ARHGAP24: variants seen among roughly 807,000 people sequenced by gnomAD.
ARHGAP24 encodes Rho GTPase activating protein 24.
A neutral mutation model predicts 76.4 loss-of-function variants in ARHGAP24; 50 were observed. The ratio of observed to expected loss-of-function variants is 0.65; its 90% CI spans 0.52 to 0.83. The LOEUF (loss-of-function observed/expected upper bound fraction) is 0.83. Among genes scored for constraint, ARHGAP24 ranks in the 40% least tolerant of loss-of-function variants. ARHGAP24 has a pLI of 0.00. For missense variants in ARHGAP24, 930 were observed against 914.2 expected (o/e 1.02, Z -0.22); for synonymous variants, 345 against 323.3 (o/e 1.07, Z -0.72).
intron 3 of ARHGAP24, among the ~76,000 whole-genome samples, chr4:85,760,216 G>A (rs895594414): frequency 9.9e-5 from 15 of 151,924 alleles, no homozygotes; most frequent in African/African-American, 3.6e-4. Flanking sequence ...CTGAAACGAA[G>A]TCTAGTTTAA....
At chr4:85,510,606 C>T (rs1305304423) in intron 1 of ARHGAP24, among the ~76,000 whole-genome samples, 1 of 148,218 alleles carries the variant, frequency 6.7e-6, no homozygotes, top group Non-Finnish European at 1.5e-5. Context: ...CTTGTCTTCC[C>T]CGTCTTCCCC....
At chr4:85,993,558 C>G (rs994492144) in intron 8 of ARHGAP24, among the ~76,000 whole-genome samples, 1 of 152,116 alleles carries the variant, frequency 6.6e-6, no homozygotes, top group African/African-American at 2.4e-5. Context: ...GTGGCCTTGC[C>G]TCAGGTCAGG....
At chr4:85,832,449 C>T (rs1011471583) in intron 3 of ARHGAP24, among the ~76,000 whole-genome samples, 3 of 152,040 alleles carry the variant, frequency 2.0e-5, no homozygotes, top group Non-Finnish European at 2.9e-5. Context: ...CTCTTCAGGC[C>T]CACAAGGCCT....
chr4:85,809,556 A>C (rs1313870781), intron 3 of ARHGAP24, among the ~76,000 whole-genome samples: 1 of 152,180 alleles, frequency 6.6e-6, no homozygotes, highest in Non-Finnish European at 1.5e-5. Flanking sequence ...ATTAGTTAGC[A>C]CCCACTCTTT....
chr4:85,683,719 A>G (rs6830971), intron 2 of ARHGAP24, among the ~76,000 whole-genome samples: 47,652 of 151,928 alleles, frequency 0.31, 7,780 homozygotes, highest in Admixed American at 0.41. Flanking sequence ...TTGCATGACT[A>G]AGACTTATAC....
At chr4:85,752,912 C>T (rs1379953134) in intron 3 of ARHGAP24, among the ~76,000 whole-genome samples, 1 of 152,098 alleles carries the variant, frequency 6.6e-6, no homozygotes, top group East Asian at 1.9e-4. Context: ...CTGAACATTA[C>T]CAGAATTTCA....
chr4:85,923,906 T>A, intron 4 of ARHGAP24, 136 bp downstream of exon 4: 1 of 1,317,150 alleles, frequency 7.6e-7, no homozygotes, highest in Non-Finnish European at 1.1e-6. Context: ...TGTTCAACAT[T>A]ATTGTTAGAC....
In ARHGAP24 at chr4:85,570,670, C is replaced by G. The variant is rs762262496; in HGVS notation, c.129C>G (p.Leu43=). 4 of 1,613,874 alleles carry G rather than the reference C, an allele frequency of 2.5e-6. No individual in the cohort carries two copies. The highest frequency in any genetic ancestry group is 3.4e-6 in the Non-Finnish European group (4 of 1,180,004). The part of the protein sequence containing the change: ...VKTWHTRWFV[L]KGDQLYYFKD... ...CTTGGCATACTCGCTGGTTTGTGCT[C>G]AAGGGGGATCAGCTCTATTATTTCA... The change falls in exon 2 of 10, where the codon CTC becomes CTG. Residue 43 remains leucine (L), a synonymous_variant. Coordinates refer to ENST00000395184, the MANE Select transcript of ARHGAP24 (RefSeq NM_001025616.3).
At chr4:85,974,805 A>G (rs981906916) in intron 6 of ARHGAP24, 83 bp from the exon 7 acceptor site, 18 of 1,340,008 alleles carry the variant, frequency 1.3e-5, no homozygotes, top group Admixed American at 1.3e-4. Context: ...AATTTTTTAA[A>G]AAATTATATG....
intron 2 of ARHGAP24, among the ~76,000 whole-genome samples, chr4:85,639,849 G>A (rs903106673): frequency 1.3e-5 from 2 of 152,058 alleles, no homozygotes; most frequent in Non-Finnish European, 2.9e-5. Flanking sequence ...TGCCATGATG[G>A]GAGTTTGAAA....
chr4:85,745,214 G>T (rs1466446223), intron 3 of ARHGAP24, among the ~76,000 whole-genome samples: 1 of 151,516 alleles, frequency 6.6e-6, no homozygotes. Flanking sequence ...CGTGGCAGGA[G>T]AAACACTTAA....
At chr4:85,658,122 T>C (rs534640624) in intron 2 of ARHGAP24, among the ~76,000 whole-genome samples, 7 of 152,214 alleles carry the variant, frequency 4.6e-5, no homozygotes, top group Non-Finnish European at 1.0e-4. Context: ...GACCTTTTTT[T>C]CAGTCTGACA....
intron 3 of ARHGAP24, among the ~76,000 whole-genome samples, chr4:85,851,333 C>T (rs1284838192): frequency 1.3e-5 from 2 of 152,000 alleles, no homozygotes. Flanking sequence ...ATTTTGAGCC[C>T]ATGTGTGTGT....
intron 3 of ARHGAP24, among the ~76,000 whole-genome samples, chr4:85,894,960 CAAAAAAAAA>C (rs540459367): frequency 5.7e-5 from 2 of 35,358 alleles, no homozygotes; most frequent in African/African-American, 1.6e-4. Context: ...GACTCCCTCT[CAAAAAAAAA>C]AAAAAAAAAA....
intron 2 of ARHGAP24, among the ~76,000 whole-genome samples, chr4:85,633,487 G>T (rs1317495607): frequency 6.6e-6 from 1 of 151,658 alleles, no homozygotes; most frequent in African/African-American, 2.4e-5. Flanking sequence ...GCATCTGCAA[G>T]GTCCTAAAAT....
rs551423101 is a variant in ARHGAP24 at position 85,737,164 on chromosome 4, C to A, written c.268+15192C>A. On this transcript the variant is annotated intron_variant, in intron 3 of 9. Coordinates refer to ENST00000395184, the MANE Select transcript of ARHGAP24 (RefSeq NM_001025616.3). The stretch of plus-strand genomic sequence containing the variant: ...TTTGTTTTTTGCATGATGGTATAAC[C>A]TTCCTTCTCTAAATGCTGGAAGTCC... Among the ~76,000 whole-genome samples the A allele has an allele frequency of 2.6e-5, 4 of 152,182 alleles. No homozygotes were observed. In the South Asian group the frequency reaches 8.3e-4, roughly 32 times the overall value.
intron 1 of ARHGAP24, among the ~76,000 whole-genome samples, chr4:85,525,960 C>A (rs1038129581): frequency 2.0e-5 from 3 of 152,088 alleles, no homozygotes; most frequent in African/African-American, 7.2e-5. Context: ...TTTTACACCC[C>A]CAAGGGCCTG....
chr4:85,627,805 G>A (rs533698149), intron 2 of ARHGAP24, among the ~76,000 whole-genome samples: 43 of 152,288 alleles, frequency 2.8e-4, no homozygotes, highest in Middle Eastern at 3.4e-3. Flanking sequence ...CCTGGCTGCC[G>A]CCTTGCAGTT....
intron 1 of ARHGAP24, among the ~76,000 whole-genome samples, chr4:85,484,204 C>A (rs142070383): frequency 1.1e-3 from 162 of 152,242 alleles, no homozygotes; most frequent in African/African-American, 3.8e-3. Flanking sequence ...AGATTCTGTA[C>A]CTTCTTCTAG....
Sources: allele counts gnomAD v4.1 joint callset (sites outside exome capture counted in the v4.1 genomes callset), GRCh38; gene constraint gnomAD v4.1.1; transcripts MANE v1.5; gene names NCBI Gene and HGNC (gene_info 2026-07-23, HGNC 2026-07-21).